Variants in PALM2AKAP2 observed in about 807,000 individuals in gnomAD.
PALM2AKAP2 encodes PALM2-AKAP2 fusion protein.
PALM2AKAP2 carries 37 observed loss-of-function variants against 71.5 expected under a neutral mutation model. That is an observed-to-expected ratio of 0.52 (90% CI 0.40 to 0.68). PALM2AKAP2 has a LOEUF of 0.68. PALM2AKAP2 is among the 30% of genes least tolerant of loss of function. PALM2AKAP2 has a pLI of 0.00. For missense variants in PALM2AKAP2, 1,224 were observed against 1,191.8 expected (o/e 1.03, Z -0.40); for synonymous variants, 468 against 478.8 (o/e 0.98, Z 0.29).
At chr9:109,684,246 T>C (rs1827777432) in intron 1 of PALM2AKAP2, among the ~76,000 whole-genome samples, 2 of 152,190 alleles carry the variant, frequency 1.3e-5, no homozygotes, top group African/African-American at 4.8e-5. Flanking sequence ...TTGGCCCTGA[T>C]GAACCCTCCT....
intron 1 of PALM2AKAP2, chr9:110,127,663 C>A (rs963879546): frequency 1.3e-5 from 2 of 152,264 alleles, no homozygotes; most frequent in Non-Finnish European, 2.9e-5. Context: ...TGGAACGGCC[C>A]ACTCGGAGTC....
chr9:110,097,466 G>A (rs1246826994), intron 1 of PALM2AKAP2, among the ~76,000 whole-genome samples: 18 of 148,864 alleles, frequency 1.2e-4, no homozygotes, highest in African/African-American at 2.2e-4. Flanking sequence ...TGAGCTGTTG[G>A]GTACACCTCC....
intron 1 of PALM2AKAP2, among the ~76,000 whole-genome samples, chr9:109,657,640 T>C (rs1444716159): frequency 6.6e-6 from 1 of 152,116 alleles, no homozygotes; most frequent in Non-Finnish European, 1.5e-5. Context: ...GACAGGTTGA[T>C]TGCCTTGAGG....
intron 1 of PALM2AKAP2, among the ~76,000 whole-genome samples, chr9:109,795,793 T>G (rs954818187): frequency 6.6e-6 from 1 of 152,226 alleles, no homozygotes; most frequent in Admixed American, 6.5e-5. Context: ...GCCAGGGCAC[T>G]GTTCACACAA....
Position 109,850,575 on chromosome 9 carries a change from A to G in PALM2AKAP2, c.46-16916A>G, listed in dbSNP as rs1367756791. On this transcript the variant is annotated intron_variant, in intron 1 of 9. Coordinates refer to the PALM2AKAP2 transcript ENST00000302798. ...GGTGAGGATGAGAAATACTGCAACAAGGGAGCAGCATTGACCCTTGAGAGC... is the reference window on the plus strand; with the variant it reads ...GGTGAGGATGAGAAATACTGCAACAGGGGAGCAGCATTGACCCTTGAGAGC... Among the ~76,000 whole-genome samples the G allele has an allele frequency of 2.0e-5, 3 of 152,214 alleles. No homozygotes were observed. The East Asian group carries it at 5.8e-4, about 29-fold the overall frequency.
At position 110,071,163 on chromosome 9, in the gene PALM2AKAP2, C is replaced by CA. The variant is rs768229567; in HGVS notation, c.156+22322dup. Among the ~76,000 whole-genome samples the CA allele has an allele frequency of 7.1e-4, 72 of 101,842 alleles. 2 individuals carry two copies. Among genetic ancestry groups the CA allele is most frequent in the East Asian group, 2.5e-3 (9 of 3,534 alleles). 66.8% of individuals were successfully genotyped at this position (101,842 alleles called of 152,430 possible). Reference sequence around the variant, plus strand: ...TGGGCAACAGAGCGAGACTCTGTTTCAAAAAAAAAAAAAAGAATTGGTAGA... The same window carrying CA: ...TGGGCAACAGAGCGAGACTCTGTTTCAAAAAAAAAAAAAAAGAATTGGTAGA... On this transcript the variant is annotated intron_variant, in intron 1 of 3. Transcript: ENST00000374525.
At chr9:109,959,415 C>G (rs1588033400) in intron 6 of PALM2AKAP2, among the ~76,000 whole-genome samples, 1 of 152,052 alleles carries the variant, frequency 6.6e-6, no homozygotes, top group African/African-American at 2.4e-5. Context: ...GAGGCCGAGG[C>G]GGGCAGATCA....
intron 6 of PALM2AKAP2, among the ~76,000 whole-genome samples, chr9:109,995,391 A>G (rs1832554334): frequency 6.6e-6 from 1 of 152,244 alleles, no homozygotes; most frequent in Non-Finnish European, 1.5e-5. Context: ...CCATGCCTGC[A>G]ACACAACAGA....
chr9:110,080,461 C>T (rs1263272715), intron 1 of PALM2AKAP2, among the ~76,000 whole-genome samples: 1 of 152,058 alleles, frequency 6.6e-6, no homozygotes, highest in Non-Finnish European at 1.5e-5. Context: ...AATTCTAGAC[C>T]ATCAAAACCA....
intron 1 of PALM2AKAP2, among the ~76,000 whole-genome samples, chr9:109,774,619 A>T (rs1829323130): frequency 6.6e-6 from 1 of 152,096 alleles, no homozygotes. Context: ...AATGAGAAGT[A>T]CTGACTAATG....
intron 1 of PALM2AKAP2, among the ~76,000 whole-genome samples, chr9:109,738,664 G>C (rs1290870517): frequency 2.0e-5 from 3 of 152,196 alleles, no homozygotes; most frequent in Admixed American, 2.0e-4. Context: ...ACAGAGAAGA[G>C]TTGCTAGGAA....
At chr9:109,835,911 C>T (rs1278752219) in intron 1 of PALM2AKAP2, among the ~76,000 whole-genome samples, 2 of 152,222 alleles carry the variant, frequency 1.3e-5, no homozygotes, top group Non-Finnish European at 2.9e-5. Context: ...CCCACCGCAG[C>T]TCAAGGAGGC....
At chr9:109,847,826 C>T (rs149186391) in intron 1 of PALM2AKAP2, 230 of 152,504 alleles carry the variant, frequency 1.5e-3, no homozygotes, top group Non-Finnish European at 2.8e-3. Flanking sequence ...AGCCTGCGAG[C>T]ACCTTGCCCC....
chr9:109,675,000 C>A (rs1353435517), intron 1 of PALM2AKAP2, among the ~76,000 whole-genome samples: 1 of 151,998 alleles, frequency 6.6e-6, no homozygotes, highest in African/African-American at 2.4e-5. Flanking sequence ...ACATGAGATA[C>A]TCAACATTTT....
intron 3 of PALM2AKAP2, among the ~76,000 whole-genome samples, chr9:110,162,843 C>T (rs997746976): frequency 2.0e-5 from 3 of 152,144 alleles, no homozygotes; most frequent in African/African-American, 4.8e-5. Flanking sequence ...GCTGGAACTA[C>T]TGGTGTGTGC....
intron 1 of PALM2AKAP2, among the ~76,000 whole-genome samples, chr9:109,764,336 A>AAT (rs1829110888): frequency 8.6e-6 from 1 of 116,928 alleles, no homozygotes; most frequent in African/African-American, 2.6e-5. Flanking sequence ...TCCTTCTCCA[A>AAT]AACAGGGTGT....
chr9:110,054,562 T>A (rs1030810803), intron 1 of PALM2AKAP2, among the ~76,000 whole-genome samples: 3 of 152,236 alleles, frequency 2.0e-5, no homozygotes, highest in African/African-American at 4.8e-5. Context: ...AAATAGTTTT[T>A]AAATTAATTA....
chr9:110,146,180 C>T (rs1006696808), intron 2 of PALM2AKAP2, among the ~76,000 whole-genome samples: 5 of 152,118 alleles, frequency 3.3e-5, no homozygotes, highest in African/African-American at 2.4e-5. Context: ...TTTGGGATTA[C>T]AGGCGTGAGC....
At chr9:109,996,873 T>C (rs555069550) in intron 6 of PALM2AKAP2, among the ~76,000 whole-genome samples, 153 of 152,280 alleles carry the variant, frequency 1.0e-3, no homozygotes, top group African/African-American at 3.6e-3. Context: ...TAAGAGTGCA[T>C]GTGTGTGTGC....
Sources: gnomAD v4.1 joint callset for allele counts (sites outside exome capture counted in the v4.1 genomes callset) on GRCh38, gnomAD v4.1.1 for gene constraint, MANE v1.5 for transcripts, NCBI Gene and HGNC (gene_info 2026-07-23, HGNC 2026-07-21) for gene names.